Variants in NAALADL2 observed in about 807,000 individuals in gnomAD.
NAALADL2 encodes the protein N-acetylated alpha-linked acidic dipeptidase like 2.
Under a neutral mutation model 87.2 loss-of-function variants are expected in NAALADL2, and 76 were observed. The observed-to-expected ratio is 0.87, with a 90% confidence interval of 0.72 to 1.05. The LOEUF (loss-of-function observed/expected upper bound fraction) is 1.05. Ranked by LOEUF, NAALADL2 falls within the 50% of genes least tolerant of loss-of-function variation. The pLI, the probability that NAALADL2 is intolerant of heterozygous loss-of-function variation, is 0.00. For missense variants in NAALADL2, 1,089 were observed against 945.8 expected (o/e 1.15, Z -1.99); for synonymous variants, 354 against 331.0 (o/e 1.07, Z -0.75).
intron 3 of NAALADL2, among the ~76,000 whole-genome samples, chr3:174,763,595 A>AAAAAAAAAAAAAAAAAAAAAAAT: frequency 6.7e-6 from 1 of 149,122 alleles, no homozygotes; most frequent in Non-Finnish European, 1.5e-5. Context: ...TCAAAAAAAA[A>AAAAAAAAAAAAAAAAAAAAAAAT]AAAAAAGACT....
intron 2 of NAALADL2, among the ~76,000 whole-genome samples, chr3:175,218,822 T>C (rs1340941244): frequency 6.6e-6 from 1 of 152,004 alleles, no homozygotes; most frequent in South Asian, 2.1e-4. Flanking sequence ...TTTTGTTTTT[T>C]GAGACGGAGT....
chr3:175,602,115 C>T (rs911028696), intron 10 of NAALADL2, among the ~76,000 whole-genome samples: 1 of 151,680 alleles, frequency 6.6e-6, no homozygotes, highest in African/African-American at 2.4e-5. Flanking sequence ...CTATAAGCAT[C>T]TCTTCAAAAA....
intron 2 of NAALADL2, among the ~76,000 whole-genome samples, chr3:174,716,482 A>G (rs1278404141): frequency 2.0e-5 from 3 of 151,858 alleles, no homozygotes; most frequent in Non-Finnish European, 4.4e-5. Context: ...TAAAAGAGAA[A>G]CTCTCATTTT....
intron 11 of NAALADL2, among the ~76,000 whole-genome samples, chr3:175,692,940 A>C (rs1236189353): frequency 2.0e-5 from 3 of 152,204 alleles, no homozygotes; most frequent in Non-Finnish European, 4.4e-5. Flanking sequence ...TCCCAAGACC[A>C]ACCTCATATT....
chr3:175,085,658 C>T (rs1413021109), intron 1 of NAALADL2, among the ~76,000 whole-genome samples: 1 of 152,134 alleles, frequency 6.6e-6, no homozygotes, highest in Non-Finnish European at 1.5e-5. Flanking sequence ...GTCGCGGTGG[C>T]TCACGCCTGT....
chr3:175,071,372 C>T (rs1715606517), intron 1 of NAALADL2, among the ~76,000 whole-genome samples: 1 of 152,010 alleles, frequency 6.6e-6, no homozygotes, highest in South Asian at 2.1e-4. Context: ...TTTTCAAAGG[C>T]TACTTTACAA....
At chr3:175,406,869 C>A (rs1045400729) in intron 5 of NAALADL2, among the ~76,000 whole-genome samples, 1 of 151,636 alleles carries the variant, frequency 6.6e-6, no homozygotes, top group Non-Finnish European at 1.5e-5. Context: ...AAATAAAAAT[C>A]ATAGATTTTT....
chr3:174,549,742 G>C (rs569751850), intron 1 of NAALADL2, among the ~76,000 whole-genome samples: 25 of 152,114 alleles, frequency 1.6e-4, no homozygotes, highest in Non-Finnish European at 2.9e-4. Context: ...TGACAACCGG[G>C]ATTAGAATAG....
At chr3:175,431,287 A>C (rs1331377376) in intron 5 of NAALADL2, among the ~76,000 whole-genome samples, 2 of 152,020 alleles carry the variant, frequency 1.3e-5, no homozygotes, top group Non-Finnish European at 2.9e-5. Context: ...TTCTTTCCTC[A>C]TGGGAACCTC....
intron 1 of NAALADL2, among the ~76,000 whole-genome samples, chr3:174,498,941 A>G (rs1312447738): frequency 6.6e-6 from 1 of 152,058 alleles, no homozygotes; most frequent in Admixed American, 6.6e-5. Flanking sequence ...TGCAGTAAAC[A>G]AAAAATAGGG....
chr3:175,069,883 A>G (rs545769624), intron 1 of NAALADL2, among the ~76,000 whole-genome samples: 292 of 149,504 alleles, frequency 2.0e-3, no homozygotes, highest in Middle Eastern at 0.014. Flanking sequence ...GAAATTGGAA[A>G]TCATCATTCT....
At chr3:175,467,888 G>A (rs527605088) in intron 8 of NAALADL2, among the ~76,000 whole-genome samples, 1 of 152,080 alleles carries the variant, frequency 6.6e-6, no homozygotes, top group Non-Finnish European at 1.5e-5. Flanking sequence ...AATGGAATAT[G>A]ATAGCTGATA....
At chr3:175,016,283 C>A (rs985719907) in intron 1 of NAALADL2, among the ~76,000 whole-genome samples, 2 of 135,924 alleles carry the variant, frequency 1.5e-5, no homozygotes, top group African/African-American at 6.0e-5. Flanking sequence ...ATATAAAAAA[C>A]AATAGCAATT....
At chr3:175,258,907 T>A (rs1277675039) in intron 4 of NAALADL2, among the ~76,000 whole-genome samples, 2 of 152,210 alleles carry the variant, frequency 1.3e-5, no homozygotes, top group Non-Finnish European at 2.9e-5. Flanking sequence ...TAAATATGCA[T>A]GCGTTTCCCA....
At chr3:174,841,890 C>T (rs936975501) in intron 3 of NAALADL2, among the ~76,000 whole-genome samples, 4 of 152,008 alleles carry the variant, frequency 2.6e-5, no homozygotes, top group African/African-American at 9.7e-5. Flanking sequence ...CCTTTCATGC[C>T]TTCCTTAGCA....
chr3:174,472,427 G>T (rs536228725), intron 1 of NAALADL2, among the ~76,000 whole-genome samples: 1 of 152,170 alleles, frequency 6.6e-6, no homozygotes, highest in South Asian at 2.1e-4. Context: ...TCTTCAGAAA[G>T]TACCAATATG....
At chr3:174,709,717 T>C (rs1284912925) in intron 2 of NAALADL2, among the ~76,000 whole-genome samples, 1 of 152,178 alleles carries the variant, frequency 6.6e-6, no homozygotes. Flanking sequence ...AGCTTTAATA[T>C]TATTTGCAGA....
intron 3 of NAALADL2, among the ~76,000 whole-genome samples, chr3:174,766,256 C>T (rs1296547429): frequency 4.6e-5 from 7 of 152,188 alleles, no homozygotes; most frequent in African/African-American, 7.2e-5. Flanking sequence ...ACTGTACTTC[C>T]TTTGATGGGG....
chr3:175,115,799 C>G (rs1725025263), intron 2 of NAALADL2, among the ~76,000 whole-genome samples: 1 of 151,684 alleles, frequency 6.6e-6, no homozygotes, highest in Admixed American at 6.6e-5. Flanking sequence ...GAATTTTAGA[C>G]CAATATCCCT....
Sources: allele counts gnomAD v4.1 joint callset (sites outside exome capture counted in the v4.1 genomes callset), GRCh38; gene constraint gnomAD v4.1.1; transcripts MANE v1.5; gene names NCBI Gene and HGNC (gene_info 2026-07-23, HGNC 2026-07-21).